The following SIMC1 variants were observed in gnomAD, a reference collection of about 807,000 sequenced individuals.
SIMC1 encodes SUMO interacting motifs containing 1.
In SIMC1, 55 loss-of-function variants were observed where a neutral mutation model predicts 82.3. The observed-to-expected ratio is 0.67, with a 90% confidence interval of 0.54 to 0.84. The LOEUF (loss-of-function observed/expected upper bound fraction) is 0.84, where lower values mean the gene tolerates loss of function less well. SIMC1 is among the 40% of genes least tolerant of loss of function. The probability of loss-of-function intolerance (pLI) is 0.00; values close to 1 mark genes in which losing one functional copy is unlikely to be tolerated. For missense variants in SIMC1, 915 were observed against 1,107.2 expected (o/e 0.83, Z 2.46); for synonymous variants, 353 against 426.3 (o/e 0.83, Z 2.12).
intron 1 of SIMC1, among the ~76,000 whole-genome samples, chr5:176,252,224 C>T (rs1251239531): frequency 2.7e-5 from 4 of 150,666 alleles, no homozygotes; most frequent in African/African-American, 9.8e-5. Context: ...ACCGCCCCCC[C>T]CACCTCCCTC....
In SIMC1 at chr5:176,324,710, C is replaced by G. The variant is rs144888692; in HGVS notation, c.2124C>G (p.Ala708=). 2 of 1,602,526 alleles carry G rather than the reference C, an allele frequency of 1.2e-6. No homozygotes were observed. The highest frequency in any genetic ancestry group is 3.4e-5 in the Admixed American group (2 of 58,092). The part of the protein sequence containing the change: ...RTPTCSSNKI[A]EMMFGFVLDI... ...CCACCTGCAGCTCCAATAAAATTGCCGAGATGATGTTTGGGTTTGTGCTGG... is the reference window on the plus strand; with the variant it reads ...CCACCTGCAGCTCCAATAAAATTGCGGAGATGATGTTTGGGTTTGTGCTGG... The change falls in exon 7 of 10, where the codon GCC becomes GCG. Residue 708 remains alanine (A), a synonymous_variant. Transcript: ENST00000429602.
At chr5:176,321,427 G>T (rs1765152613) in intron 5 of SIMC1, among the ~76,000 whole-genome samples, 1 of 151,078 alleles carries the variant, frequency 6.6e-6, no homozygotes, top group African/African-American at 2.4e-5. Flanking sequence ...TGGCGACAGA[G>T]CGAGACTCTG....
intron 7 of SIMC1, among the ~76,000 whole-genome samples, chr5:176,329,230 G>A (rs535809952): frequency 7.9e-5 from 12 of 151,944 alleles, no homozygotes; most frequent in Non-Finnish European, 1.2e-4. Flanking sequence ...CCAGCACTTT[G>A]GGAGGCCGAG....
chr5:176,331,990 A>C (rs933187365), intron 7 of SIMC1, among the ~76,000 whole-genome samples: 1 of 152,026 alleles, frequency 6.6e-6, no homozygotes, highest in Non-Finnish European at 1.5e-5. Flanking sequence ...ACAAACACAA[A>C]CTTTGCATTA....
intron 1 of SIMC1, among the ~76,000 whole-genome samples, chr5:176,246,719 C>G (rs990173531): frequency 7.2e-5 from 11 of 151,982 alleles, no homozygotes; most frequent in Non-Finnish European, 1.6e-4. Flanking sequence ...ATCAACCCAT[C>G]ATCTACCTTA....
At chr5:176,260,482 T>A (rs1257406896) in intron 1 of SIMC1, among the ~76,000 whole-genome samples, 2 of 152,150 alleles carry the variant, frequency 1.3e-5, no homozygotes, top group African/African-American at 4.8e-5. Flanking sequence ...TTAATAAAAA[T>A]TTTTAAAAAC....
intron 1 of SIMC1, among the ~76,000 whole-genome samples, chr5:176,248,886 C>T (rs565147223): frequency 6.6e-5 from 10 of 152,104 alleles, no homozygotes; most frequent in African/African-American, 2.2e-4. Context: ...GTCATTGGTT[C>T]TGTCGATGGA....
In SIMC1 at chr5:176,289,993, A is replaced by G. The variant is rs138522145; in HGVS notation, c.469A>G (p.Thr157Ala). Residue 157 changes from threonine to alanine, a missense_variant, in exon 2 of 10, where the codon ACA (threonine) becomes GCA (alanine). Thr to Ala is a moderately conservative substitution (Grantham distance 58). This residue lies in a region of SIMC1 where 902 missense variants were observed against 1,040.3 expected (regional missense o/e 0.87). Coordinates refer to ENST00000429602, the MANE Select transcript of SIMC1 (RefSeq NM_001308195.2). The part of the protein sequence containing the change: ...TSISGGSVYP[T>A]EPNCSSATFT... ...CATCAGTGGAGGCTCTGTTTATCCA[A>G]CAGAGCCTAATTGTAGCTCAGCCAC... is the stretch of plus-strand genomic sequence containing the variant. 162 of 1,613,742 alleles carry G rather than the reference A, an allele frequency of 1.0e-4. No homozygotes were observed. In the African/African-American group the frequency reaches 1.8e-3, roughly 18 times the overall value.
chr5:176,288,958 AATTT>A (rs1452792864), intron 1 of SIMC1, among the ~76,000 whole-genome samples: 2 of 152,096 alleles, frequency 1.3e-5, no homozygotes, highest in African/African-American at 4.8e-5. Flanking sequence ...AGTTTTCATT[AATTT>A]ACTTACTTAG....
intron 7 of SIMC1, among the ~76,000 whole-genome samples, chr5:176,330,245 A>T (rs981028824): frequency 1.3e-5 from 2 of 152,056 alleles, no homozygotes; most frequent in Non-Finnish European, 2.9e-5. Context: ...TACTAAAAAT[A>T]AAAAAATTAG....
At chr5:176,292,865 A>T (rs1561701121) in intron 2 of SIMC1, among the ~76,000 whole-genome samples, 1 of 152,156 alleles carries the variant, frequency 6.6e-6, no homozygotes, top group Non-Finnish European at 1.5e-5. Flanking sequence ...TATTGTGAAT[A>T]ATTTGATGTC....
At chr5:176,287,714 GAA>G (rs959529194) in intron 1 of SIMC1, among the ~76,000 whole-genome samples, 5 of 144,158 alleles carry the variant, frequency 3.5e-5, no homozygotes, top group Non-Finnish European at 6.1e-5. Flanking sequence ...AATAAAAAAA[GAA>G]AAAAAAAATC....
intron 1 of SIMC1, among the ~76,000 whole-genome samples, chr5:176,286,924 A>G (rs767692860): frequency 2.6e-5 from 4 of 152,196 alleles, no homozygotes; most frequent in East Asian, 1.9e-4. Context: ...CAAAACCACA[A>G]TGAGATACCA....
intron 1 of SIMC1, among the ~76,000 whole-genome samples, chr5:176,240,389 C>T (rs1429557112): frequency 9.3e-6 from 1 of 107,990 alleles, no homozygotes; most frequent in Non-Finnish European, 2.1e-5. Flanking sequence ...TGGTCAGATG[C>T]CATGCTTATC....
At chr5:176,284,572 G>C (rs1454162882) in intron 1 of SIMC1, among the ~76,000 whole-genome samples, 5 of 152,114 alleles carry the variant, frequency 3.3e-5, no homozygotes, top group African/African-American at 1.2e-4. Flanking sequence ...AGAGAAAGCA[G>C]GAAAGATCTA....
chr5:176,284,889 A>G (rs1763193756), intron 1 of SIMC1, among the ~76,000 whole-genome samples: 1 of 152,240 alleles, frequency 6.6e-6, no homozygotes, highest in Non-Finnish European at 1.5e-5. Context: ...CACCCTCCCA[A>G]GACTAAAACA....
intron 1 of SIMC1, among the ~76,000 whole-genome samples, chr5:176,259,728 G>A (rs536335647): frequency 1.3e-5 from 2 of 151,174 alleles, no homozygotes; most frequent in South Asian, 2.1e-4. Flanking sequence ...AGCCGAAATC[G>A]TGCCACTGCA....
At chr5:176,255,575 GTCTT>G (rs1761825895) in intron 1 of SIMC1, among the ~76,000 whole-genome samples, 2 of 90,868 alleles carry the variant, frequency 2.2e-5, no homozygotes, top group Non-Finnish European at 4.5e-5. Flanking sequence ...GAGTGAGACT[GTCTT>G]TTTTTTTTTT....
intron 5 of SIMC1, among the ~76,000 whole-genome samples, chr5:176,317,722 T>C (rs927203521): frequency 3.3e-5 from 5 of 152,210 alleles, no homozygotes; most frequent in African/African-American, 1.2e-4. Flanking sequence ...CATTCATATC[T>C]TTTTGTTTTC....
Sources: allele counts gnomAD v4.1 joint callset (sites outside exome capture counted in the v4.1 genomes callset), GRCh38; gene constraint gnomAD v4.1.1; regional missense constraint gnomAD v4.1.1; transcripts MANE v1.5; gene names NCBI Gene and HGNC (gene_info 2026-07-23, HGNC 2026-07-21).